Variants in UVRAG observed in about 807,000 individuals in gnomAD.
UVRAG encodes UV radiation resistance associated.
In UVRAG, 19 loss-of-function variants were observed where a neutral mutation model predicts 78.0. That is an observed-to-expected ratio of 0.24 (90% confidence interval 0.17 to 0.36). UVRAG has a LOEUF of 0.36. Among genes scored for constraint, UVRAG ranks in the 10% least tolerant of loss-of-function variants. UVRAG has a pLI of 1.00. For synonymous variants in UVRAG, 323 were observed against 324.6 expected (o/e 1.00, Z 0.05); for missense variants, 740 against 853.8 (o/e 0.87, Z 1.66).
Position 76,142,250 on chromosome 11 carries a change from T to G in UVRAG, c.*837T>G, listed in dbSNP as rs976558824. On this transcript the variant is annotated 3_prime_UTR_variant, in exon 15 of 15. Coordinates refer to ENST00000356136, the MANE Select transcript of UVRAG (RefSeq NM_003369.4). Reference sequence around the variant, plus strand: ...AAAGTTTTTATGTGGGCAGATGCTGTGGTCAGGAACTAGGCATGCTTTCTG... The same window carrying G: ...AAAGTTTTTATGTGGGCAGATGCTGGGGTCAGGAACTAGGCATGCTTTCTG... 6.6e-6 allele frequency: 1 copy of G among 152,226 alleles called. No individual in the cohort carries two copies. Among genetic ancestry groups the G allele is most frequent in the African/African-American group, 2.4e-5 (1 of 41,458 alleles). 9.4% of individuals were successfully genotyped at this position (152,226 alleles called of 1,614,324 possible). A position where few individuals can be genotyped will look rare whatever the true frequency, so the allele number is the denominator to read the frequency against.
At chr11:76,110,885 CAG>C (rs1373684734) in intron 13 of UVRAG, among the ~76,000 whole-genome samples, 7 of 151,998 alleles carry the variant, frequency 4.6e-5, no homozygotes, top group Non-Finnish European at 7.4e-5. Context: ...TGCTTGGAGT[CAG>C]AGTCTCCATT....
At chr11:75,912,077 T>C in intron 6 of UVRAG, 38 bp downstream of exon 6, 1 of 1,423,126 alleles carries the variant, frequency 7.0e-7, no homozygotes, top group Non-Finnish European at 9.9e-7. Context: ...TTCTAAAGAA[T>C]CTTTCTCATT....
rs549375612 is a variant in UVRAG, at chr11:75,860,569, T to C, written c.236-1177T>C. Among the ~76,000 whole-genome samples, 5 of 152,322 alleles carry C rather than the reference T, an allele frequency of 3.3e-5. No homozygotes were observed. In the South Asian group the frequency reaches 8.3e-4, roughly 25 times the overall value. On this transcript the variant is annotated intron_variant, in intron 2 of 14. Transcript: ENST00000356136. ...GGATATATGTATATGTATACATAAA[T>C]ACATACATTTCTAAGTTTGTATTGT...
intron 2 of UVRAG, among the ~76,000 whole-genome samples, chr11:75,859,387 A>G (rs1946368957): frequency 6.6e-6 from 1 of 151,986 alleles, no homozygotes; most frequent in African/African-American, 2.4e-5. Flanking sequence ...AAAAAAAAAA[A>G]AGAAAATTTC....
intron 12 of UVRAG, among the ~76,000 whole-genome samples, chr11:76,042,562 A>G (rs142758837): frequency 1.8e-3 from 275 of 152,286 alleles, no homozygotes; most frequent in African/African-American, 6.4e-3. Flanking sequence ...GCTTTTTACT[A>G]ATCATGTGAT....
chr11:76,002,681 T>C (rs1166095010), intron 8 of UVRAG, among the ~76,000 whole-genome samples: 2 of 152,204 alleles, frequency 1.3e-5, no homozygotes, highest in African/African-American at 4.8e-5. Flanking sequence ...TATTGTGGGC[T>C]AAAAAGTTAA....
chr11:76,001,302 A>G (rs553408188), intron 8 of UVRAG, among the ~76,000 whole-genome samples: 20 of 152,334 alleles, frequency 1.3e-4, no homozygotes, highest in African/African-American at 4.3e-4. Flanking sequence ...AAATGAAAAT[A>G]CATTTGAAGT....
chr11:75,951,231 G>A (rs766217940), intron 6 of UVRAG, among the ~76,000 whole-genome samples: 3 of 151,622 alleles, frequency 2.0e-5, no homozygotes, highest in African/African-American at 7.3e-5. Flanking sequence ...TCCTATATAC[G>A]TATTAAGTTA....
chr11:75,913,851 A>T (rs1221668999), intron 6 of UVRAG, among the ~76,000 whole-genome samples: 1 of 152,224 alleles, frequency 6.6e-6, no homozygotes, highest in African/African-American at 2.4e-5. Flanking sequence ...CATCAGGCTA[A>T]TTTAGTAGTT....
chr11:75,947,708 G>A (rs1301385740), intron 6 of UVRAG, among the ~76,000 whole-genome samples: 1 of 152,178 alleles, frequency 6.6e-6, no homozygotes, highest in Non-Finnish European at 1.5e-5. Flanking sequence ...TGGGAAATAA[G>A]CAGTGAAGAC....
At chr11:75,938,621 C>T (rs1051684723) in intron 6 of UVRAG, among the ~76,000 whole-genome samples, 6 of 152,170 alleles carry the variant, frequency 3.9e-5, no homozygotes, top group African/African-American at 1.4e-4. Context: ...TACTTTATTG[C>T]GTGGCCCGTC....
At chr11:76,003,045 T>A (rs1415947873) in intron 8 of UVRAG, among the ~76,000 whole-genome samples, 1 of 151,850 alleles carries the variant, frequency 6.6e-6, no homozygotes, top group Non-Finnish European at 1.5e-5. Context: ...GCCACTGTAT[T>A]CCAGCTTGGG....
chr11:76,043,112 A>T (rs1262961527), intron 12 of UVRAG, among the ~76,000 whole-genome samples: 1 of 152,198 alleles, frequency 6.6e-6, no homozygotes, highest in Non-Finnish European at 1.5e-5. Flanking sequence ...TTGATCTGTA[A>T]TGTTTTATTT....
At chr11:76,047,014 G>A (rs1950771399) in intron 12 of UVRAG, among the ~76,000 whole-genome samples, 1 of 152,062 alleles carries the variant, frequency 6.6e-6, no homozygotes, top group Admixed American at 6.5e-5. Context: ...GGCTTCATTT[G>A]TACAAAGTCT....
At chr11:75,945,533 A>G (rs1319596419) in intron 6 of UVRAG, among the ~76,000 whole-genome samples, 1 of 152,020 alleles carries the variant, frequency 6.6e-6, no homozygotes, top group Non-Finnish European at 1.5e-5. Flanking sequence ...TTCCAAAATG[A>G]ATTTGTGGGT....
intron 2 of UVRAG, among the ~76,000 whole-genome samples, chr11:75,856,992 A>G (rs1342978250): frequency 6.6e-6 from 1 of 152,080 alleles, no homozygotes; most frequent in African/African-American, 2.4e-5. Flanking sequence ...TTTCTCTTAC[A>G]TTTCACATCC....
intron 8 of UVRAG, among the ~76,000 whole-genome samples, chr11:75,994,927 A>G (rs2135308782): frequency 6.6e-6 from 1 of 152,306 alleles, no homozygotes; most frequent in African/African-American, 2.4e-5. Context: ...TGGGTCTGCC[A>G]TTTTCCAACT....
chr11:76,064,022 C>G (rs569152487), intron 12 of UVRAG, among the ~76,000 whole-genome samples: 2 of 152,280 alleles, frequency 1.3e-5, no homozygotes, highest in South Asian at 4.1e-4. Flanking sequence ...TTCGATCTGT[C>G]TTTGCATTGC....
At chr11:75,868,190 C>A (rs1250568813) in intron 3 of UVRAG, among the ~76,000 whole-genome samples, 1 of 152,120 alleles carries the variant, frequency 6.6e-6, no homozygotes, top group Non-Finnish European at 1.5e-5. Context: ...CTTGAGCAGA[C>A]GCCTGACAGA....
Sources: allele counts gnomAD v4.1 joint callset (sites outside exome capture counted in the v4.1 genomes callset), GRCh38; gene constraint gnomAD v4.1.1; transcripts MANE v1.5; gene names NCBI Gene and HGNC (gene_info 2026-07-23, HGNC 2026-07-21).